The following IGSF3 variants were observed in gnomAD, a reference collection of about 807,000 sequenced individuals.
IGSF3 encodes the protein immunoglobulin superfamily member 3.
Under a neutral mutation model 114.4 loss-of-function variants are expected in IGSF3, and 23 were observed. That is an observed-to-expected ratio of 0.20 (90% CI 0.14 to 0.28). The LOEUF is 0.28. Ranked by LOEUF, IGSF3 falls within the 10% of genes least tolerant of loss-of-function variation. The pLI, the probability that IGSF3 is intolerant of heterozygous loss-of-function variation, is 1.00. For synonymous variants in IGSF3, 571 were observed against 645.2 expected, an observed-to-expected ratio of 0.88 and a Z score of 1.74; for missense variants, 1,172 against 1,591.5, an observed-to-expected ratio of 0.74 and a Z score of 4.48.
intron 2 of IGSF3, among the ~76,000 whole-genome samples, chr1:116,623,797 C>A (rs937766024): frequency 6.7e-5 from 10 of 148,562 alleles, no homozygotes; most frequent in Middle Eastern, 3.6e-3. Flanking sequence ...TCAAAAATGT[C>A]CCTTGAGGCC....
rs79475403 is a variant in IGSF3, at chr1:116,608,006, G to A, written c.1158C>T (p.Thr386=). Residue 386 remains threonine (T), a synonymous_variant, in exon 5 of 11, where the codon ACC becomes ACT. Coordinates refer to ENST00000369486, the MANE Select transcript of IGSF3 (RefSeq NM_001007237.3). ...TGCTCTCCTTATCAATGAATTCCCC[G>A]GTCACGGTTTTCTCTCGCTCAGTCA... ...CRVTEREKTV[T]GEFIDKESKR... is the part of the protein sequence containing the mutation. The A allele has an allele frequency of 2.1e-5, 34 of 1,613,630 alleles. No individual in the cohort carries two copies. The highest frequency in any genetic ancestry group is 1.6e-4 in the Middle Eastern group (1 of 6,078).
At position 116,600,255 on chromosome 1, in the gene IGSF3, T is replaced by C; in HGVS notation, c.1715A>G (p.Tyr572Cys). The change falls in exon 7 of 11, where the codon TAC becomes TGC. Residue 572 changes from tyrosine to cysteine, a missense_variant. This residue lies in a region of IGSF3 where 736 missense variants were observed against 1,042.0 expected (regional missense o/e 0.71). Transcript: ENST00000369486. The surrounding 1 kb of genome is among the most constrained non-coding windows in gnomAD (Gnocchi z 5.5). ...FDLQCIIKPH[Y>C]PAWVPVSVTW... is the part of the protein sequence containing the mutation. ...CACCGACACGGGGACCCAGGCAGGG[T>C]AGTGGGGTTTGATGATACACTGCAA... 6.2e-7 allele frequency: 1 copy of C among 1,613,768 alleles called. No homozygotes were observed. Among genetic ancestry groups the C allele is most frequent in the Non-Finnish European group, 8.5e-7 (1 of 1,179,948 alleles).
In IGSF3 at chr1:116,579,042, G is replaced by C. The variant is rs1415179949; in HGVS notation, c.3334+350C>G. 2.0e-5 allele frequency among the ~76,000 whole-genome samples: 3 copies of C among 152,140 alleles called. No homozygotes were observed. Among genetic ancestry groups the C allele is most frequent in the Non-Finnish European group, 4.4e-5 (3 of 68,040 alleles). On this transcript the variant is annotated intron_variant, in intron 10 of 10. Transcript: ENST00000369486. This position sits in a 1 kb window ranked among gnomAD's most constrained non-coding sequence, Gnocchi z 6.4. ...TTTCCCTTGTGAGTCTGAAACGCTTGCTAATTCGCTAAAGACTAGTTCCAA... is the reference window on the plus strand; with the variant it reads ...TTTCCCTTGTGAGTCTGAAACGCTTCCTAATTCGCTAAAGACTAGTTCCAA...
In IGSF3 at chr1:116,595,007, G is replaced by A. The variant is rs919812557; in HGVS notation, c.2029+4934C>T. ...AGGCCTGCTGCCTCCCACAGAGCCC[G>A]CAAGGCAGGAACGTGACACACCCAT... On this transcript the variant is annotated intron_variant, in intron 7 of 10. Coordinates refer to ENST00000369486, the MANE Select transcript of IGSF3 (RefSeq NM_001007237.3). This position sits in a 1 kb window ranked among gnomAD's most constrained non-coding sequence, Gnocchi z 4.2. 2.6e-5 allele frequency among the ~76,000 whole-genome samples: 4 copies of A among 152,156 alleles called. No homozygotes were observed. The highest frequency in any genetic ancestry group is 1.9e-4 in the East Asian group (1 of 5,172).
rs1471507360 is a variant in IGSF3 at position 116,593,375 on chromosome 1, G to C, written c.2030-4271C>G. On this transcript the variant is annotated intron_variant, in intron 7 of 10. Coordinates refer to ENST00000369486, the MANE Select transcript of IGSF3 (RefSeq NM_001007237.3). The surrounding 1 kb of genome is among the most constrained non-coding windows in gnomAD (Gnocchi z 4.5). Reference sequence around the variant, plus strand: ...CAGCAGCCAGAGTGGCACGTGCAAAGAGATGGGCACTGAGGGAGGAAGACA... The same window carrying C: ...CAGCAGCCAGAGTGGCACGTGCAAACAGATGGGCACTGAGGGAGGAAGACA... Among the ~76,000 whole-genome samples the C allele has an allele frequency of 1.3e-5, 2 of 152,232 alleles. No homozygotes were observed. The highest frequency in any genetic ancestry group is 4.8e-5 in the African/African-American group (2 of 41,460).
chr1:116,595,293 T>C lies in IGSF3; in HGVS notation c.2029+4648A>G, dbSNP rs1190452477. On this transcript the variant is annotated intron_variant, in intron 7 of 10. Coordinates refer to ENST00000369486, the MANE Select transcript of IGSF3 (RefSeq NM_001007237.3). This position sits in a 1 kb window ranked among gnomAD's most constrained non-coding sequence, Gnocchi z 4.2. ...ATCTGGGAGGGGCTGAGCTCTCCTC[T>C]TAGGGCTCTTGCACTGACACCCATT... 6.6e-6 allele frequency among the ~76,000 whole-genome samples: 1 copy of C among 152,104 alleles called. No individual in the cohort carries two copies. Among genetic ancestry groups the C allele is most frequent in the Admixed American group, 6.5e-5 (1 of 15,282 alleles).
intron 4 of IGSF3, 83 bp downstream of exon 4, chr1:116,613,682 A>G: frequency 1.5e-6 from 2 of 1,323,230 alleles, no homozygotes; most frequent in Non-Finnish European, 2.1e-6. Flanking sequence ...AGGTGCCCAA[A>G]GAAGGAGTCT....
chr1:116,604,399 A>G (rs1440071224), intron 5 of IGSF3, among the ~76,000 whole-genome samples: 3 of 152,220 alleles, frequency 2.0e-5, no homozygotes, highest in African/African-American at 4.8e-5. Context: ...ATTTTCAGCA[A>G]GAAGAGTAAC....
chr1:116,633,297 T>C lies in IGSF3; in HGVS notation c.44-16840A>G, dbSNP rs1190067759. 1.3e-5 allele frequency among the ~76,000 whole-genome samples: 2 copies of C among 152,208 alleles called. No individual in the cohort carries two copies. Among genetic ancestry groups the C allele is most frequent in the African/African-American group, 4.8e-5 (2 of 41,466 alleles). On this transcript the variant is annotated intron_variant, in intron 2 of 10. Transcript: ENST00000369486. The surrounding 1 kb of genome is among the most constrained non-coding windows in gnomAD (Gnocchi z 4.3). ...TCAGATCTCAGTAGGTCATCAACCA[T>C]TCCAGGAAGTCCAGCAGAGTTGGTT...
rs1455216390 is a variant in IGSF3, at chr1:116,629,042, T to G, written c.44-12585A>C. Among the ~76,000 whole-genome samples, 5 of 152,120 alleles carry G rather than the reference T, an allele frequency of 3.3e-5. No individual in the cohort carries two copies. The highest frequency in any genetic ancestry group is 5.9e-5 in the Non-Finnish European group (4 of 68,036). On this transcript the variant is annotated intron_variant, in intron 2 of 10. Transcript: ENST00000369486. This position sits in a 1 kb window ranked among gnomAD's most constrained non-coding sequence, Gnocchi z 4.3. ...AGACCAAGCTGGAGAGTTCAGGGAC[T>G]TCCAAAAGAAGGTACAAGAATGAGC... is the stretch of plus-strand genomic sequence containing the variant.
chr1:116,648,104 A>C lies in IGSF3; in HGVS notation c.43+18180T>G, dbSNP rs1451953301. ...GGGCGACACAGCAAGACTCCCTCTC[A>C]AAAAAAGAAAAAAAAGAGTGGCTAC... is the stretch of plus-strand genomic sequence containing the variant. On this transcript the variant is annotated intron_variant, in intron 2 of 10. Coordinates refer to ENST00000369486, the MANE Select transcript of IGSF3 (RefSeq NM_001007237.3). The surrounding 1 kb of genome is among the most constrained non-coding windows in gnomAD (Gnocchi z 4.7). Among the ~76,000 whole-genome samples, 1 of 152,170 alleles carries C rather than the reference A, an allele frequency of 6.6e-6. No homozygotes were observed. The highest frequency in any genetic ancestry group is 2.4e-5 in the African/African-American group (1 of 41,436).
chr1:116,658,760 ACTC>A (rs4044713), intron 2 of IGSF3, among the ~76,000 whole-genome samples: 1 of 149,750 alleles, frequency 6.7e-6, no homozygotes, highest in South Asian at 2.1e-4. Flanking sequence ...CCTCCCCTTC[ACTC>A]CTCCTGCTAA....
rs1008159136 is a variant in IGSF3 at position 116,595,660 on chromosome 1, A to G, written c.2029+4281T>C. ...CACCACTAGAGGCTGTCCTCATGGA[A>G]GCTTGTTTATGGCTTTGTCAATTTT... On this transcript the variant is annotated intron_variant, in intron 7 of 10. Transcript: ENST00000369486. This position sits in a 1 kb window ranked among gnomAD's most constrained non-coding sequence, Gnocchi z 4.2. Among the ~76,000 whole-genome samples the G allele has an allele frequency of 1.3e-5, 2 of 152,242 alleles. No individual in the cohort carries two copies.
At chr1:116,631,067 C>G (rs1483057236) in intron 2 of IGSF3, among the ~76,000 whole-genome samples, 1 of 151,998 alleles carries the variant, frequency 6.6e-6, no homozygotes, top group Non-Finnish European at 1.5e-5. Context: ...GCCTGTAATC[C>G]CAGCACTTTG....
intron 2 of IGSF3, among the ~76,000 whole-genome samples, chr1:116,659,707 T>C (rs1369220811): frequency 6.6e-6 from 1 of 152,154 alleles, no homozygotes. Flanking sequence ...CTCAACCTTC[T>C]GGGCTCAACC....
At chr1:116,640,037 CAAAAAAAA>C (rs34003833) in intron 2 of IGSF3, among the ~76,000 whole-genome samples, 3 of 65,292 alleles carry the variant, frequency 4.6e-5, no homozygotes. Flanking sequence ...GACTCTATCT[CAAAAAAAA>C]AAAAAAAAAA....
rs868591639 is a variant in IGSF3, at chr1:116,666,182, C to T, written c.43+102G>A. On this transcript the variant is annotated intron_variant, in intron 2 of 10. Transcript: ENST00000369486. ...CACACACCGACCGCCTCCTGGTGTC[C>T]CCCAAATCCTAGTGTTGATGAAAAA... The T allele has an allele frequency of 1.2e-5, 14 of 1,132,972 alleles. 1 individual carries two copies. In the Middle Eastern group the frequency reaches 1.9e-3, roughly 158 times the overall value. 70.2% of individuals were successfully genotyped at this position (1,132,972 alleles called of 1,614,324 possible).
chr1:116,586,993 GC>G (rs1234543588), intron 8 of IGSF3, among the ~76,000 whole-genome samples: 1 of 151,996 alleles, frequency 6.6e-6, no homozygotes, highest in African/African-American at 2.4e-5. Context: ...CCACCGAGAG[GC>G]CAGTGAGAAT....
chr1:116,596,184 G>A lies in IGSF3; in HGVS notation c.2029+3757C>T, dbSNP rs1462651175. ...CACAGACCACAAAGAAGCTTGCTGC[G>A]ATAAATGATATCACAGCAGTGGAAG... On this transcript the variant is annotated intron_variant, in intron 7 of 10. Coordinates refer to ENST00000369486, the MANE Select transcript of IGSF3 (RefSeq NM_001007237.3). The surrounding 1 kb of genome is among the most constrained non-coding windows in gnomAD (Gnocchi z 4.1). Among the ~76,000 whole-genome samples, 2 of 152,222 alleles carry A rather than the reference G, an allele frequency of 1.3e-5. No homozygotes were observed. Among genetic ancestry groups the A allele is most frequent in the African/African-American group, 2.4e-5 (1 of 41,456 alleles).
Sources: allele counts gnomAD v4.1 joint callset (sites outside exome capture counted in the v4.1 genomes callset), GRCh38; gene constraint gnomAD v4.1.1; regional missense constraint gnomAD v4.1.1; non-coding constraint Gnocchi (gnomAD v3.1); transcripts MANE v1.5; gene names NCBI Gene and HGNC (gene_info 2026-07-23, HGNC 2026-07-21).